ASPH: variants seen among roughly 807,000 people sequenced by gnomAD.
ASPH encodes the protein aspartyl/asparaginyl beta-hydroxylase.
In ASPH, 100 loss-of-function variants were observed where a neutral mutation model predicts 118.4. That is an observed-to-expected ratio of 0.84 (90% CI 0.72 to 1.00). The LOEUF (loss-of-function observed/expected upper bound fraction) is 1.00, where lower values mean the gene tolerates loss of function less well. Among genes scored for constraint, ASPH ranks in the 50% least tolerant of loss-of-function variants. The probability of loss-of-function intolerance (pLI) is 0.00; values close to 1 mark genes in which losing one functional copy is unlikely to be tolerated. For missense variants in ASPH, 920 were observed against 919.5 expected, an observed-to-expected ratio of 1.00 and a Z score of -0.01; for synonymous variants, 315 against 325.6, an observed-to-expected ratio of 0.97 and a Z score of 0.35.
intron 10 of ASPH, among the ~76,000 whole-genome samples, chr8:61,640,098 C>T (rs953540964): frequency 3.9e-5 from 6 of 152,210 alleles, no homozygotes; most frequent in African/African-American, 9.7e-5. Context: ...GCCACTGCAG[C>T]GCCAGATCAG....
At chr8:61,569,837 G>A (rs1286971484) in intron 16 of ASPH, among the ~76,000 whole-genome samples, 1 of 152,176 alleles carries the variant, frequency 6.6e-6, no homozygotes, top group African/African-American at 2.4e-5. Flanking sequence ...AGGAGAGAAA[G>A]TCCAGTGTCA....
chr8:61,578,176 T>A, intron 15 of ASPH: 1 of 1,535,038 alleles, frequency 6.5e-7, no homozygotes, highest in Non-Finnish European at 8.7e-7. Flanking sequence ...CCTTCTAGGA[T>A]CTCCGCCTGG....
chr8:61,529,988 G>A (rs1474425789), intron 21 of ASPH, among the ~76,000 whole-genome samples: 3 of 152,218 alleles, frequency 2.0e-5, no homozygotes, highest in African/African-American at 4.8e-5. Context: ...ATGTGGGGGA[G>A]ACACAAACAT....
rs748247014 is a variant in ASPH, at chr8:61,644,629, G to A, written c.623C>T (p.Thr208Ile). Residue 208 changes from threonine to isoleucine, a missense_variant, in exon 7 of 25, where the codon ACC becomes ATC. Coordinates refer to ENST00000379454, the MANE Select transcript of ASPH (RefSeq NM_004318.4). ...CTCTTCCACGTGGTAACTATGCTCG[G>A]TTTCTGGAAAAAAAAAAATTAGATT... ...TLEPEVSHEE[T>I]EHSYHVEETV... The A allele has an allele frequency of 1.3e-6, 2 of 1,583,264 alleles. No homozygotes were observed. Among genetic ancestry groups the A allele is most frequent in the South Asian group, 1.2e-5 (1 of 84,700 alleles).
intron 14 of ASPH, among the ~76,000 whole-genome samples, chr8:61,611,948 A>C (rs995318451): frequency 3.9e-5 from 6 of 152,134 alleles, no homozygotes; most frequent in Non-Finnish European, 8.8e-5. Context: ...AGTTGATATA[A>C]CAAATTACAT....
In ASPH at chr8:61,562,274, T is replaced by C. The variant is rs977730662; in HGVS notation, c.1437+470A>G. On this transcript the variant is annotated intron_variant, in intron 18 of 24. Coordinates refer to ENST00000379454, the MANE Select transcript of ASPH (RefSeq NM_004318.4). ...TATCCTTGCCAGAGGATTTGAAGAG[T>C]CAGTGCCCTGCTGAAAAGTAATTTA... Among the ~76,000 whole-genome samples, 6 of 98,494 alleles carry C rather than the reference T, an allele frequency of 6.1e-5. 1 individual carries two copies. The highest frequency in any genetic ancestry group is 2.4e-4 in the African/African-American group (6 of 24,730). The allele number at this position is 98,494 out of a possible 152,430, so 64.6% of individuals were successfully genotyped here.
intron 3 of ASPH, among the ~76,000 whole-genome samples, chr8:61,673,750 C>T (rs936194712): frequency 2.6e-5 from 4 of 152,042 alleles, no homozygotes; most frequent in African/African-American, 7.3e-5. Context: ...TAATTTTGAT[C>T]AGCTTTGAGA....
intron 22 of ASPH, among the ~76,000 whole-genome samples, chr8:61,523,083 C>T (rs76343409): frequency 0.011 from 1,627 of 152,258 alleles, 29 homozygotes; most frequent in African/African-American, 0.036. Context: ...AACTAGACAA[C>T]GGCTAAATCT....
chr8:61,707,634 A>G (rs1238321562), intron 1 of ASPH, among the ~76,000 whole-genome samples: 2 of 152,224 alleles, frequency 1.3e-5, no homozygotes, highest in Non-Finnish European at 2.9e-5. Context: ...ATGGGGAGAG[A>G]TAGGCACATA....
chr8:61,562,170 T>G (rs73263187), intron 18 of ASPH, among the ~76,000 whole-genome samples: 2,411 of 152,182 alleles, frequency 0.016, 64 homozygotes, highest in African/African-American at 0.055. Flanking sequence ...AGAAGTCACA[T>G]TTCTCTAGAT....
At chr8:61,620,489 T>A (rs1291123549) in intron 13 of ASPH, among the ~76,000 whole-genome samples, 1 of 152,178 alleles carries the variant, frequency 6.6e-6, no homozygotes. Flanking sequence ...AGGACTTTTT[T>A]TTTTTTTTAA....
intron 17 of ASPH, among the ~76,000 whole-genome samples, chr8:61,566,363 A>G (rs907937592): frequency 6.6e-6 from 1 of 152,228 alleles, no homozygotes; most frequent in African/African-American, 2.4e-5. Flanking sequence ...TCTCATGATC[A>G]AACTTTAATA....
At chr8:61,679,926 T>A in intron 3 of ASPH, among the ~76,000 whole-genome samples, 1 of 133,418 alleles carries the variant, frequency 7.5e-6, no homozygotes, top group South Asian at 2.4e-4. Context: ...AAACACTAAT[T>A]CCCAATGGGC....
rs201064963 is a variant in ASPH, at chr8:61,646,892, C to G, written c.491-14G>C. 328 of 1,613,508 alleles carry G rather than the reference C, an allele frequency of 2.0e-4. 1 individual carries two copies. The East Asian group carries it at 7.1e-3, about 35-fold the overall frequency. Reference sequence around the variant, plus strand: ...CTTCTCCCTCAACTATGACAATGAACAAAGTGACACTGGCAACATACAACT... The same window carrying G: ...CTTCTCCCTCAACTATGACAATGAAGAAAGTGACACTGGCAACATACAACT... On this transcript the variant is annotated splice_polypyrimidine_tract_variant and intron_variant, in intron 5 of 24. Transcript: ENST00000379454.
intron 14 of ASPH, among the ~76,000 whole-genome samples, chr8:61,611,498 G>C (rs1847357921): frequency 6.6e-6 from 1 of 152,220 alleles, no homozygotes. Context: ...CTTCGAGGCT[G>C]ACTACTATAA....
intron 15 of ASPH, among the ~76,000 whole-genome samples, chr8:61,580,041 GTCT>G (rs1836988106): frequency 6.6e-6 from 1 of 151,090 alleles, no homozygotes; most frequent in Non-Finnish European, 1.5e-5. Context: ...TTGACTCCAT[GTCT>G]CACATCCAGG....
chr8:61,636,375 C>G (rs1857735708), intron 12 of ASPH, among the ~76,000 whole-genome samples: 1 of 152,144 alleles, frequency 6.6e-6, no homozygotes, highest in South Asian at 2.1e-4. Context: ...GCTATAGAGA[C>G]AGAGGGAGAG....
chr8:61,618,622 A>AT (rs1471466189), intron 14 of ASPH, among the ~76,000 whole-genome samples: 1 of 152,186 alleles, frequency 6.6e-6, no homozygotes, highest in Non-Finnish European at 1.5e-5. Context: ...CACTTTACGT[A>AT]TATTTTCATT....
intron 1 of ASPH, among the ~76,000 whole-genome samples, chr8:61,706,448 GAA>G: frequency 5.4e-5 from 7 of 129,774 alleles, no homozygotes; most frequent in Admixed American, 2.3e-4. Context: ...AGAAGAAGAA[GAA>G]GAAGAAGGAG....
Sources: allele counts gnomAD v4.1 joint callset (sites outside exome capture counted in the v4.1 genomes callset), GRCh38; gene constraint gnomAD v4.1.1; transcripts MANE v1.5; gene names NCBI Gene and HGNC (gene_info 2026-07-23, HGNC 2026-07-21).